UMAD1: variants seen among roughly 807,000 people sequenced by gnomAD.
The protein encoded by UMAD1 is UBAP1-MVB12-associated (UMA)-domain containing protein 1.
In UMAD1, 8 loss-of-function variants were observed where a neutral mutation model predicts 6.1. That is an observed-to-expected ratio of 1.30 (90% CI 0.76 to 2.35). The LOEUF is 2.35. Ranked by LOEUF, UMAD1 falls within the 30% of genes most tolerant of loss-of-function variation. The probability of loss-of-function intolerance (pLI) is 0.00; values close to 1 mark genes in which losing one functional copy is unlikely to be tolerated. For missense variants in UMAD1, 130 were observed against 78.4 expected (o/e 1.66, Z -2.49); for synonymous variants, 56 against 31.4 (o/e 1.78, Z -2.61).
chr7:7,872,997 A>T (rs536137479), intron 3 of UMAD1, among the ~76,000 whole-genome samples: 2 of 152,180 alleles, frequency 1.3e-5, no homozygotes. Flanking sequence ...TCTAAACCCA[A>T]ATGGGATCTG....
chr7:7,659,095 C>T (rs1323302873), intron 1 of UMAD1, among the ~76,000 whole-genome samples: 1 of 151,884 alleles, frequency 6.6e-6, no homozygotes, highest in Non-Finnish European at 1.5e-5. Context: ...ATTTGCGTAG[C>T]TTGTTTATAG....
At chr7:7,653,658 G>T (rs1302788783) in intron 1 of UMAD1, among the ~76,000 whole-genome samples, 1 of 152,206 alleles carries the variant, frequency 6.6e-6, no homozygotes, top group East Asian at 1.9e-4. Context: ...AGAGTTCTCA[G>T]GTGAAGTCTG....
chr7:7,717,362 T>G (rs979219982), intron 2 of UMAD1, among the ~76,000 whole-genome samples: 12 of 152,166 alleles, frequency 7.9e-5, no homozygotes, highest in Non-Finnish European at 1.3e-4. Context: ...CAGCCTCCTG[T>G]TTCTTTCATC....
chr7:7,723,181 G>A (rs1781082277), intron 2 of UMAD1, among the ~76,000 whole-genome samples: 1 of 152,160 alleles, frequency 6.6e-6, no homozygotes, highest in Admixed American at 6.5e-5. Context: ...CCCATGAGGA[G>A]GTGTGCTACA....
chr7:7,727,834 C>T (rs1169505902), intron 2 of UMAD1, among the ~76,000 whole-genome samples: 3 of 152,108 alleles, frequency 2.0e-5, no homozygotes, highest in African/African-American at 7.2e-5. Flanking sequence ...TTGTAGATGG[C>T]TTATTGTGGG....
intron 2 of UMAD1, among the ~76,000 whole-genome samples, chr7:7,796,979 T>G (rs558304849): frequency 6.6e-6 from 1 of 152,280 alleles, no homozygotes; most frequent in East Asian, 1.9e-4. Flanking sequence ...AGTGTCTCAG[T>G]GTATTAGTCT....
At chr7:7,775,332 C>A (rs1055614529) in intron 2 of UMAD1, among the ~76,000 whole-genome samples, 2 of 152,188 alleles carry the variant, frequency 1.3e-5, no homozygotes, top group Non-Finnish European at 2.9e-5. Flanking sequence ...CTGGGAGGGA[C>A]CCAGTGGGAG....
intron 1 of UMAD1, among the ~76,000 whole-genome samples, chr7:7,647,997 C>A (rs550205017): frequency 6.6e-6 from 1 of 152,126 alleles, no homozygotes; most frequent in Non-Finnish European, 1.5e-5. Flanking sequence ...CGTTTTCCAT[C>A]CTATATCTCA....
chr7:7,663,761 C>T (rs919143024), intron 1 of UMAD1, among the ~76,000 whole-genome samples: 26 of 152,010 alleles, frequency 1.7e-4, no homozygotes, highest in African/African-American at 5.3e-4. Context: ...GGTTAGTATC[C>T]CCGGGGCAAT....
intron 3 of UMAD1, among the ~76,000 whole-genome samples, chr7:7,868,170 A>G (rs918346523): frequency 6.6e-6 from 1 of 152,196 alleles, no homozygotes; most frequent in Non-Finnish European, 1.5e-5. Flanking sequence ...ATGAATTTCT[A>G]TAAAGCAACT....
At chr7:7,727,869 T>C (rs1425395717) in intron 2 of UMAD1, among the ~76,000 whole-genome samples, 1 of 152,202 alleles carries the variant, frequency 6.6e-6, no homozygotes, top group East Asian at 1.9e-4. Flanking sequence ...TTAATACTCC[T>C]TAATAAACTC....
chr7:7,761,644 A>G (rs77169650), intron 2 of UMAD1, among the ~76,000 whole-genome samples: 9,381 of 152,312 alleles, frequency 0.062, 362 homozygotes, highest in Middle Eastern at 0.12. Context: ...TGACATTAAT[A>G]GAACTAGAAC....
At chr7:7,659,168 T>A (rs34820918) in intron 1 of UMAD1, among the ~76,000 whole-genome samples, 21,459 of 152,200 alleles carry the variant, frequency 0.14, 1,760 homozygotes, top group Middle Eastern at 0.24. Flanking sequence ...TATCATTTTT[T>A]ATTGCATCTA....
intron 1 of UMAD1, among the ~76,000 whole-genome samples, chr7:7,663,948 A>C (rs1012997): frequency 0.84 from 127,106 of 152,134 alleles, 53,275 homozygotes; most frequent in Non-Finnish European, 0.88. Context: ...ATTCTAAAGT[A>C]TTAAACAATT....
chr7:7,664,577 C>G (rs1172191769), intron 1 of UMAD1, among the ~76,000 whole-genome samples: 1 of 152,200 alleles, frequency 6.6e-6, no homozygotes, highest in East Asian at 1.9e-4. Flanking sequence ...TTGCTTTCCT[C>G]TATACCCACT....
At chr7:7,729,744 ATTCTCTTTTCTACCCCAGTCATTCT>A (rs1417292014) in intron 2 of UMAD1, among the ~76,000 whole-genome samples, 1 of 152,156 alleles carries the variant, frequency 6.6e-6, no homozygotes, top group Admixed American at 6.5e-5. Context: ...GGAGCCAGCC[ATTCTCTTTTCTACCCCAGTCATTCT>A]CTGCTGTGGT....
chr7:7,693,295 T>TTATCTATCCATC, intron 2 of UMAD1, among the ~76,000 whole-genome samples: 1 of 148,996 alleles, frequency 6.7e-6, no homozygotes. Flanking sequence ...TAAAATATCT[T>TTATCTATCCATC]TATCTATCTA....
At chr7:7,649,027 G>A (rs1017226924) in intron 1 of UMAD1, among the ~76,000 whole-genome samples, 2 of 151,722 alleles carry the variant, frequency 1.3e-5, no homozygotes, top group African/African-American at 4.8e-5. Context: ...GCATGGTGGC[G>A]GATGCCTGTA....
intron 3 of UMAD1, among the ~76,000 whole-genome samples, chr7:7,820,236 A>G (rs1264626557): frequency 1.3e-5 from 2 of 152,242 alleles, no homozygotes; most frequent in Non-Finnish European, 2.9e-5. Flanking sequence ...ATTATAGACT[A>G]AAGCATAGTA....
Sources: gnomAD v4.1 joint callset for allele counts (sites outside exome capture counted in the v4.1 genomes callset) on GRCh38, gnomAD v4.1.1 for gene constraint, MANE v1.5 for transcripts, NCBI Gene and HGNC (gene_info 2026-07-23, HGNC 2026-07-21) for gene names.